The following RP1 variants were observed in gnomAD, a reference collection of about 807,000 sequenced individuals.
RP1 encodes the protein RP1 axonemal microtubule associated.
Under a neutral mutation model 14.8 loss-of-function variants are expected in RP1, and 16 were observed. The observed-to-expected ratio is 1.08, with a 90% CI of 0.73 to 1.65. The LOEUF (loss-of-function observed/expected upper bound fraction) is 1.65. Among genes scored for constraint, RP1 ranks in the 40% most tolerant of loss-of-function variants. RP1 has a pLI of 0.00. For missense variants in RP1, 2,631 were observed against 2,535.0 expected (o/e 1.04, Z -0.81); for synonymous variants, 876 against 883.6 (o/e 0.99, Z 0.15).
Position 54,696,483 on chromosome 8 carries a change from C to G in RP1, c.1718-2984C>G, listed in dbSNP as rs1585614873. ...AAAGCTTATCAAGCCCTCGAAGCCA[C>G]CCAGGCAAAGCAGGCACTTTTGGCA... On this transcript the variant is annotated intron_variant, in intron 12 of 22. Transcript: ENST00000636932. The G allele has an allele frequency of 5.6e-6, 5 of 893,078 alleles. No homozygotes were observed. In the East Asian group the frequency reaches 1.2e-4, roughly 22 times the overall value. The allele number at this position is 893,078 out of a possible 1,614,324, so 55.3% of individuals were successfully genotyped here.
intron 25 of RP1, among the ~76,000 whole-genome samples, chr8:54,842,508 A>G (rs1364515115): frequency 2.0e-5 from 3 of 152,178 alleles, no homozygotes; most frequent in African/African-American, 7.2e-5. Flanking sequence ...GAGCAGCACG[A>G]TAGGTGCCAA....
Position 54,690,199 on chromosome 8 carries a change from C to T in RP1, c.1718-9268C>T, listed in dbSNP as rs564896287. ...CCTAACCCTTGGTACTAATGGAATT[C>T]CAGTTCCTCTCTGAGGTCATTGCTA... On this transcript the variant is annotated intron_variant, in intron 12 of 22. Transcript: ENST00000636932. Among the ~76,000 whole-genome samples the T allele has an allele frequency of 1.8e-4, 27 of 152,134 alleles. 2 individuals are homozygous for T. In the South Asian group the frequency reaches 5.4e-3, roughly 30 times the overall value.
At chr8:54,797,925 T>C (rs1456308231) in intron 24 of RP1, among the ~76,000 whole-genome samples, 2 of 147,646 alleles carry the variant, frequency 1.4e-5, no homozygotes, top group African/African-American at 2.5e-5. Flanking sequence ...TATTGTAAAA[T>C]TTTGCAGTGT....
intron 20 of RP1, chr8:54,755,519 T>G: frequency 8.5e-7 from 1 of 1,178,372 alleles, no homozygotes; most frequent in Non-Finnish European, 1.2e-6. Context: ...ATGTTTTTCT[T>G]TTTTTACTAT....
rs1192344236 is a variant in RP1, at chr8:54,626,040, C to A, written c.2158C>A (p.Pro720Thr). 3.1e-6 allele frequency: 5 copies of A among 1,613,652 alleles called. No individual in the cohort carries two copies. The highest frequency in any genetic ancestry group is 1.3e-5 in the African/African-American group (1 of 74,858). Residue 720 changes from proline to threonine, a missense_variant, in exon 4 of 4, where the codon CCC becomes ACC. Physicochemically the swap from Pro to Thr is conservative, Grantham distance 38 (BLOSUM62 -1). Coordinates refer to ENST00000220676, the MANE Select transcript of RP1 (RefSeq NM_006269.2). ...KEMIVQDSDS[P>T]LKGGILCEED... Reference sequence around the variant, plus strand: ...AATGATAGTGCAAGATTCAGATAGTCCCCTTAAAGGAGGGATACTTTGTGA... The same window carrying A: ...AATGATAGTGCAAGATTCAGATAGTACCCTTAAAGGAGGGATACTTTGTGA...
intron 25 of RP1, among the ~76,000 whole-genome samples, chr8:54,852,199 G>A (rs1585747326): frequency 3.9e-5 from 6 of 152,090 alleles, no homozygotes; most frequent in Admixed American, 3.9e-4. Context: ...GTGACCAGCT[G>A]TGATTAGAAC....
intron 4 of RP1, among the ~76,000 whole-genome samples, chr8:54,650,445 C>G (rs1439286965): frequency 6.6e-6 from 1 of 152,082 alleles, no homozygotes; most frequent in Non-Finnish European, 1.5e-5. Flanking sequence ...GTAAAATACA[C>G]AAAAGTTACC....
exon 18 of RP1, chr8:54,734,624 A>G: frequency 6.5e-7 from 1 of 1,535,800 alleles, no homozygotes; most frequent in Non-Finnish European, 8.7e-7. Context: ...CAGGAAATAC[A>G]GGAACTCAAG....
chr8:54,627,249 A>T lies in RP1; in HGVS notation c.3367A>T (p.Asn1123Tyr). 1.2e-6 allele frequency: 2 copies of T among 1,614,072 alleles called. No homozygotes were observed. Among genetic ancestry groups the T allele is most frequent in the Non-Finnish European group, 1.7e-6 (2 of 1,179,980 alleles). Reference sequence around the variant, plus strand: ...TGTTCCCTTTCATTCTGCAATATGTAATTCATCCACTAATCTCCTTCTAGC... The same window carrying T: ...TGTTCCCTTTCATTCTGCAATATGTTATTCATCCACTAATCTCCTTCTAGC... ...AGVPFHSAICNSSTNLLLAWL... is the reference protein window; with the variant it reads ...AGVPFHSAICYSSTNLLLAWL... The change falls in exon 4 of 4, where the codon AAT (asparagine) becomes TAT (tyrosine). Residue 1123 changes from asparagine to tyrosine, a missense_variant. Physicochemically the swap from Asn to Tyr is moderately radical, Grantham distance 143. Transcript: ENST00000220676.
At chr8:54,799,681 G>T (rs574037049) in intron 24 of RP1, among the ~76,000 whole-genome samples, 13 of 151,682 alleles carry the variant, frequency 8.6e-5, no homozygotes, top group African/African-American at 2.9e-4. Flanking sequence ...GTTTCCCCAT[G>T]GTTTAGAGTG....
chr8:54,847,800 G>A (rs1811963812), intron 25 of RP1, among the ~76,000 whole-genome samples: 1 of 152,234 alleles, frequency 6.6e-6, no homozygotes, highest in African/African-American at 2.4e-5. Flanking sequence ...CTCTGGGGCA[G>A]TGTGTGTGGG....
At chr8:54,683,726 G>T (rs1485903398) in intron 12 of RP1, among the ~76,000 whole-genome samples, 1 of 152,030 alleles carries the variant, frequency 6.6e-6, no homozygotes, top group African/African-American at 2.4e-5. Flanking sequence ...TCTAGATATA[G>T]GATTATGTCA....
chr8:54,775,721 A>G (rs758294314), intron 23 of RP1, among the ~76,000 whole-genome samples: 4 of 152,246 alleles, frequency 2.6e-5, no homozygotes, highest in African/African-American at 4.8e-5. Flanking sequence ...ATCAAGTTTT[A>G]GGATAGTTCG....
chr8:54,658,288 A>C (rs954063701), intron 6 of RP1, among the ~76,000 whole-genome samples: 11 of 152,036 alleles, frequency 7.2e-5, no homozygotes, highest in African/African-American at 2.7e-4. Context: ...GCGGTGGCTC[A>C]CGCCTGTAAT....
intron 15 of RP1, among the ~76,000 whole-genome samples, chr8:54,707,324 A>G (rs1367807368): frequency 2.0e-5 from 3 of 152,132 alleles, no homozygotes; most frequent in South Asian, 2.1e-4. Context: ...GGGTCTCGCC[A>G]TGTTGCCCAG....
intron 7 of RP1, among the ~76,000 whole-genome samples, chr8:54,671,432 C>T (rs955193064): frequency 3.3e-5 from 5 of 151,968 alleles, no homozygotes; most frequent in Non-Finnish European, 7.4e-5. Flanking sequence ...GTCCCTTTGT[C>T]TCTCTCTTTT....
intron 14 of RP1, among the ~76,000 whole-genome samples, chr8:54,703,952 C>T (rs894108021): frequency 3.3e-5 from 5 of 152,152 alleles, no homozygotes; most frequent in African/African-American, 1.2e-4. Context: ...AGAGTTAGGG[C>T]CTTGCTCTTG....
rs1805904144 is a variant in RP1 at position 54,622,297 on chromosome 8, CTTA to C, written c.787+13_787+15del. The C allele has an allele frequency of 1.9e-6, 3 of 1,613,502 alleles. No individual in the cohort carries two copies. Among genetic ancestry groups the C allele is most frequent in the South Asian group, 1.1e-5 (1 of 91,056 alleles). On this transcript the variant is annotated intron_variant, in intron 3 of 3. Coordinates refer to ENST00000220676, the MANE Select transcript of RP1 (RefSeq NM_006269.2). ...GTCAGAAAGCAGAAAGAGTAAGTCA[CTTA>C]TTAATATATAGCCCATATTTTTAGC...
At chr8:54,787,649 C>T (rs991075778) in intron 24 of RP1, among the ~76,000 whole-genome samples, 6 of 152,094 alleles carry the variant, frequency 3.9e-5, no homozygotes, top group South Asian at 2.1e-4. Flanking sequence ...GTGCTTATGC[C>T]GTTCACTCCT....
Sources: allele counts gnomAD v4.1 joint callset (sites outside exome capture counted in the v4.1 genomes callset), GRCh38; gene constraint gnomAD v4.1.1; transcripts MANE v1.5; gene names NCBI Gene and HGNC (gene_info 2026-07-23, HGNC 2026-07-21).